Variants in CASK observed in about 807,000 individuals in gnomAD.
CASK encodes the protein peripheral plasma membrane protein CASK.
CASK carries 4 observed loss-of-function variants against 82.9 expected under a neutral mutation model. That is an observed-to-expected ratio of 0.05 (90% CI 0.02 to 0.11). The LOEUF (loss-of-function observed/expected upper bound fraction) is 0.11, where lower values mean the gene tolerates loss of function less well. Ranked by LOEUF, CASK falls within the 10% of genes least tolerant of loss-of-function variation. The pLI is 1.00. For missense variants in CASK, 358 were observed against 720.9 expected (o/e 0.50, Z 5.76); for synonymous variants, 259 against 253.5 (o/e 1.02, Z -0.20).
intron 1 of CASK, 75 bp downstream of exon 1, chrX:41,922,855 G>A (rs2072810562): frequency 3.1e-6 from 3 of 966,986 alleles, no homozygotes; most frequent in Non-Finnish European, 4.4e-6. Flanking sequence ...GGCAGGCCCC[G>A]AGCGGGTGCG....
chrX:41,669,405 A>G (rs2067164605), intron 6 of CASK, among the ~76,000 whole-genome samples: 1 of 111,584 alleles, frequency 9.0e-6, no homozygotes, highest in African/African-American at 3.3e-5. Context: ...ATAAAATACG[A>G]AGAACATGAC....
chrX:41,710,931 C>G (rs1288865437), intron 5 of CASK, among the ~76,000 whole-genome samples: 2 of 112,235 alleles, frequency 1.8e-5, no homozygotes, highest in African/African-American at 3.2e-5. Context: ...ATGGTGGTGC[C>G]TCTGTCCAGA....
intron 11 of CASK, among the ~76,000 whole-genome samples, chrX:41,614,885 C>G (rs2066167388): frequency 9.0e-6 from 1 of 110,529 alleles, no homozygotes. Flanking sequence ...GTGGCACAAT[C>G]TCGGCTCACT....
intron 3 of CASK, among the ~76,000 whole-genome samples, chrX:41,745,877 G>A (rs911423483): frequency 2.7e-5 from 3 of 111,077 alleles, no homozygotes; most frequent in Non-Finnish European, 5.7e-5. Flanking sequence ...TTTTCTTTAG[G>A]TTTTCACAAA....
chrX:41,844,546 G>C (rs1569466593), intron 2 of CASK, among the ~76,000 whole-genome samples: 1 of 111,421 alleles, frequency 9.0e-6, no homozygotes, highest in Non-Finnish European at 1.9e-5. Flanking sequence ...TATAAGGTCA[G>C]TAGTAATGTC....
chrX:41,696,628 G>A, intron 5 of CASK: 2 of 1,210,888 alleles, frequency 1.7e-6, no homozygotes, highest in East Asian at 3.0e-5. Flanking sequence ...CTGATGTCCA[G>A]TAACATTCGC....
intron 8 of CASK, among the ~76,000 whole-genome samples, chrX:41,641,386 C>G (rs190589942): frequency 1.7e-4 from 19 of 111,550 alleles, no homozygotes; most frequent in African/African-American, 6.2e-4. Flanking sequence ...AATTGATTAG[C>G]CTGATATAAA....
intron 3 of CASK, chrX:41,786,706 CA>C (rs1302758533): frequency 1.2e-4 from 17 of 144,190 alleles, no homozygotes; most frequent in African/African-American, 4.8e-4. Context: ...CTGCGACAGA[CA>C]TATCAAGTGA....
intron 8 of CASK, among the ~76,000 whole-genome samples, chrX:41,647,612 A>T (rs1158375815): frequency 1.8e-5 from 2 of 111,837 alleles, no homozygotes; most frequent in African/African-American, 6.5e-5. Flanking sequence ...TTTATATAAA[A>T]AGAAAGGGAG....
At position 41,533,630 on chromosome X, in the gene CASK, G is replaced by A. The variant is rs950397521; in HGVS notation, c.2317+1076C>T. Among the ~76,000 whole-genome samples, 6 of 112,193 alleles carry A rather than the reference G, an allele frequency of 5.3e-5. No homozygotes were observed. The Admixed American group carries it at 5.6e-4, about 11-fold the overall frequency. ...ATTTTCCTTTAGCTCTTCCAACCCT[G>A]AGCTGCTAGAAAGCTTCTGGGGTTA... On this transcript the variant is annotated intron_variant, in intron 24 of 26. Transcript: ENST00000378163.
Position 41,572,723 on chromosome X carries a change from A to G in CASK, c.1504-2977T>C, listed in dbSNP as rs553504225. 2.7e-5 allele frequency among the ~76,000 whole-genome samples: 3 copies of G among 112,316 alleles called. No homozygotes were observed. In the South Asian group the frequency reaches 1.1e-3, roughly 41 times the overall value. The stretch of plus-strand genomic sequence containing the variant: ...CCAATTATAAGAGATTGAAGTAATA[A>G]GAAAAAGAACTTATAGATTTACCCA... On this transcript the variant is annotated intron_variant, in intron 15 of 26. Transcript: ENST00000378163.
At chrX:41,771,156 A>G (rs2069238741) in intron 3 of CASK, among the ~76,000 whole-genome samples, 1 of 112,417 alleles carries the variant, frequency 8.9e-6, no homozygotes, top group South Asian at 3.7e-4. Context: ...TAATGACATT[A>G]CCTTCAGAGA....
At chrX:41,718,718 T>C (rs1254691219) in intron 5 of CASK, among the ~76,000 whole-genome samples, 1 of 112,057 alleles carries the variant, frequency 8.9e-6, no homozygotes, top group Non-Finnish European at 1.9e-5. Flanking sequence ...TCTTGGACTC[T>C]CAATGCAATA....
chrX:41,839,801 G>A (rs2070999341), intron 2 of CASK, among the ~76,000 whole-genome samples: 1 of 111,825 alleles, frequency 8.9e-6, no homozygotes, highest in African/African-American at 3.2e-5. Flanking sequence ...TCAAGTGGAT[G>A]TCCAGTTGTT....
intron 10 of CASK, among the ~76,000 whole-genome samples, chrX:41,626,218 C>T (rs985274117): frequency 1.8e-5 from 2 of 110,607 alleles, no homozygotes; most frequent in Non-Finnish European, 3.8e-5. Context: ...ACAGTCTGAT[C>T]TAATACGACT....
At chrX:41,532,563 C>T (rs1284211400) in intron 24 of CASK, among the ~76,000 whole-genome samples, 1 of 110,348 alleles carries the variant, frequency 9.1e-6, no homozygotes, top group Non-Finnish European at 1.9e-5. Flanking sequence ...CTCTCCCTAC[C>T]CCCCTTTCTT....
intron 15 of CASK, among the ~76,000 whole-genome samples, chrX:41,575,794 T>G (rs2065476521): frequency 9.0e-6 from 1 of 111,125 alleles, no homozygotes; most frequent in South Asian, 3.8e-4. Flanking sequence ...AATTCCTGTT[T>G]TCATGGAAAC....
intron 2 of CASK, among the ~76,000 whole-genome samples, chrX:41,841,209 G>A (rs1368471762): frequency 9.0e-6 from 1 of 111,345 alleles, no homozygotes; most frequent in Non-Finnish European, 1.9e-5. Flanking sequence ...ACATGCTGTT[G>A]TTTTTTGTTT....
chrX:41,620,517 C>T lies in CASK; in HGVS notation c.1033+2100G>A, dbSNP rs147110045. Among the ~76,000 whole-genome samples, 420 of 111,661 alleles carry T rather than the reference C, an allele frequency of 3.8e-3. 2 individuals carry two copies. Among genetic ancestry groups the T allele is most frequent in the African/African-American group, 0.013 (391 of 30,754 alleles). ...ATTATCACCTACTCAATCAAAGCCCCTCCTTGCAAGCACAATACTTTTTAA... is the reference window on the plus strand; with the variant it reads ...ATTATCACCTACTCAATCAAAGCCCTTCCTTGCAAGCACAATACTTTTTAA... On this transcript the variant is annotated intron_variant, in intron 11 of 26. Transcript: ENST00000378163.
Sources: allele counts gnomAD v4.1 joint callset (sites outside exome capture counted in the v4.1 genomes callset), GRCh38; gene constraint gnomAD v4.1.1; transcripts MANE v1.5; gene names NCBI Gene and HGNC (gene_info 2026-07-23, HGNC 2026-07-21).